Variants in MAPRE2 observed in about 807,000 individuals in gnomAD.
MAPRE2 encodes the protein microtubule associated protein RP/EB family member 2.
A neutral mutation model predicts 43.2 loss-of-function variants in MAPRE2; 13 were observed. That is an observed-to-expected ratio of 0.30 (90% CI 0.20 to 0.48). The LOEUF (loss-of-function observed/expected upper bound fraction) is 0.48, where lower values mean the gene tolerates loss of function less well. Among genes scored for constraint, MAPRE2 ranks in the 20% least tolerant of loss-of-function variants. MAPRE2 has a pLI of 0.99. For synonymous variants in MAPRE2, 135 were observed against 148.8 expected (o/e 0.91, Z 0.68); for missense variants, 161 against 400.2 (o/e 0.40, Z 5.10).
chr18:35,142,264 G>A lies in MAPRE2; in HGVS notation c.*1895G>A, dbSNP rs1000440429. 1 of 152,250 alleles carries A rather than the reference G, an allele frequency of 6.6e-6. No individual in the cohort carries two copies. Among genetic ancestry groups the A allele is most frequent in the African/African-American group, 2.4e-5 (1 of 41,436 alleles). The allele number at this position is 152,250 out of a possible 1,614,324, so 9.4% of individuals were successfully genotyped here. Reference sequence around the variant, plus strand: ...CTGATCTCTTTAAAAACAAAAAATAGCTCTTGTAAAAGGTCACAATAACTC... The same window carrying A: ...CTGATCTCTTTAAAAACAAAAAATAACTCTTGTAAAAGGTCACAATAACTC... On this transcript the variant is annotated 3_prime_UTR_variant, in exon 7 of 7. Coordinates refer to ENST00000300249, the MANE Select transcript of MAPRE2 (RefSeq NM_014268.4).
intron 2 of MAPRE2, among the ~76,000 whole-genome samples, chr18:35,086,190 T>C (rs1196376738): frequency 2.0e-5 from 3 of 152,128 alleles, no homozygotes; most frequent in Admixed American, 6.5e-5. Context: ...TCTGGCTTGA[T>C]GTGTTTTTCC....
chr18:35,123,077 G>C (rs145370469), intron 4 of MAPRE2, among the ~76,000 whole-genome samples: 1 of 152,230 alleles, frequency 6.6e-6, no homozygotes, highest in African/African-American at 2.4e-5. Context: ...GATTCTCCCT[G>C]CGTGTCTCAC....
chr18:35,102,206 G>A (rs1316601965), intron 4 of MAPRE2, 47 bp downstream of exon 4: 1 of 1,371,056 alleles, frequency 7.3e-7, no homozygotes, highest in Non-Finnish European at 1.0e-6. Flanking sequence ...CTTTGATAAT[G>A]GCTCAGACCC....
At chr18:35,051,703 T>C (rs576198784) in intron 1 of MAPRE2, among the ~76,000 whole-genome samples, 1 of 152,286 alleles carries the variant, frequency 6.6e-6, no homozygotes, top group East Asian at 1.9e-4. Context: ...TGTGAGACTT[T>C]TACTTTCTGT....
At chr18:35,039,543 T>A (rs1158605230), upstream of MAPRE2, among the ~76,000 whole-genome samples, 2 of 152,166 alleles carry the variant, frequency 1.3e-5, no homozygotes, top group African/African-American at 4.8e-5. Flanking sequence ...AAGCAAAAGA[T>A]AAAATTATTA....
upstream of MAPRE2, among the ~76,000 whole-genome samples, chr18:35,039,256 G>T (rs2097052313): frequency 6.6e-6 from 1 of 152,242 alleles, no homozygotes; most frequent in Non-Finnish European, 1.5e-5. Context: ...GAAGTTTTGT[G>T]AAAGGAAGCA....
At chr18:35,020,798 A>G (rs964163066) in intron 2 of MAPRE2, among the ~76,000 whole-genome samples, 2 of 152,216 alleles carry the variant, frequency 1.3e-5, no homozygotes, top group African/African-American at 2.4e-5. Context: ...AGACATAAAA[A>G]CATGAAGCAT....
intron 2 of MAPRE2, among the ~76,000 whole-genome samples, chr18:35,090,741 A>T (rs1053199785): frequency 6.7e-6 from 1 of 150,282 alleles, no homozygotes; most frequent in African/African-American, 2.5e-5. Flanking sequence ...CAAAAAAAAA[A>T]AAAAAGAAAA....
At chr18:35,050,777 A>C (rs1354082815) in intron 1 of MAPRE2, among the ~76,000 whole-genome samples, 1 of 152,112 alleles carries the variant, frequency 6.6e-6, no homozygotes, top group Non-Finnish European at 1.5e-5. Context: ...ATTGGGCAAT[A>C]TCTGGCCTTC....
In MAPRE2 at chr18:35,102,066, C is replaced by T; in HGVS notation, c.517C>T (p.Arg173Ter). 2 of 1,613,010 alleles carry T rather than the reference C, an allele frequency of 1.2e-6. No individual in the cohort carries two copies. Among genetic ancestry groups the T allele is most frequent in the Non-Finnish European group, 1.7e-6 (2 of 1,179,530 alleles). ...DGKEYDPVEA[R>*]QGQDAIPPPD... The stretch of plus-strand genomic sequence containing the variant: ...GAAGGAGTATGATCCTGTAGAGGCA[C>T]GACAAGGGCAAGATGCAATTCCTCC... Residue 173 changes from arginine (R) to a stop codon, truncating the protein, a stop_gained, in exon 4 of 7, where the codon CGA becomes TGA. Transcript: ENST00000300249. LOFTEE classifies it high-confidence loss of function.
intron 1 of MAPRE2, among the ~76,000 whole-genome samples, chr18:34,999,721 G>T (rs1433657999): frequency 6.6e-6 from 1 of 152,188 alleles, no homozygotes; most frequent in Non-Finnish European, 1.5e-5. Context: ...TTCTGAAGGA[G>T]AAGAATGAGT....
intron 1 of MAPRE2, among the ~76,000 whole-genome samples, chr18:34,995,961 A>T (rs764427226): frequency 6.6e-5 from 10 of 152,210 alleles, no homozygotes; most frequent in Non-Finnish European, 1.3e-4. Context: ...GGCTAGACGT[A>T]CTGAATCATA....
At chr18:35,107,028 C>A (rs1303837728) in intron 4 of MAPRE2, among the ~76,000 whole-genome samples, 1 of 152,148 alleles carries the variant, frequency 6.6e-6, no homozygotes, top group Non-Finnish European at 1.5e-5. Context: ...TATGTAGTTA[C>A]TATAGCAACG....
At chr18:35,036,337 G>C (rs994047078) in intron 2 of MAPRE2, among the ~76,000 whole-genome samples, 2 of 152,090 alleles carry the variant, frequency 1.3e-5, no homozygotes, top group Non-Finnish European at 2.9e-5. Flanking sequence ...GACCTAAACT[G>C]CTTCTTCAGT....
intron 2 of MAPRE2, among the ~76,000 whole-genome samples, chr18:35,093,731 G>A (rs1908269990): frequency 6.6e-6 from 1 of 152,180 alleles, no homozygotes; most frequent in Admixed American, 6.5e-5. Flanking sequence ...CATAGAAATA[G>A]AGAGTAGAAT....
intron 4 of MAPRE2, among the ~76,000 whole-genome samples, chr18:35,122,147 A>G (rs1909705123): frequency 6.6e-6 from 1 of 152,258 alleles, no homozygotes; most frequent in Non-Finnish European, 1.5e-5. Flanking sequence ...ATCATTGAAT[A>G]TAATGAGGAC....
chr18:35,080,813 C>A (rs2680893), intron 2 of MAPRE2, among the ~76,000 whole-genome samples: 5 of 83,188 alleles, frequency 6.0e-5, no homozygotes, highest in Non-Finnish European at 1.0e-4. Context: ...TTTCAGATTG[C>A]GTTTTTTTTT....
intron 2 of MAPRE2, among the ~76,000 whole-genome samples, chr18:35,085,567 G>A (rs764626198): frequency 6.6e-6 from 1 of 152,178 alleles, no homozygotes; most frequent in Non-Finnish European, 1.5e-5. Context: ...TTCCACCAGA[G>A]GCAGCAGTGT....
chr18:35,143,147 C>G lies in MAPRE2; in HGVS notation c.*2778C>G, dbSNP rs1910743876. The stretch of plus-strand genomic sequence containing the variant: ...AAATTCCAGAAGGGAACCAAGAACT[C>G]TTCCCTTCCCTGGTGAGTATTTCCA... On this transcript the variant is annotated 3_prime_UTR_variant, in exon 7 of 7. Coordinates refer to ENST00000300249, the MANE Select transcript of MAPRE2 (RefSeq NM_014268.4). 1 of 151,212 alleles carries G rather than the reference C, an allele frequency of 6.6e-6. No individual in the cohort carries two copies. The highest frequency in any genetic ancestry group is 1.5e-5 in the Non-Finnish European group (1 of 67,892). The allele number at this position is 151,212 out of a possible 1,614,324, so 9.4% of individuals were successfully genotyped here. A position where few individuals can be genotyped will look rare whatever the true frequency, so the allele number is the denominator to read the frequency against.
Sources: gnomAD v4.1 joint callset for allele counts (sites outside exome capture counted in the v4.1 genomes callset) on GRCh38, gnomAD v4.1.1 for gene constraint, MANE v1.5 for transcripts, NCBI Gene and HGNC (gene_info 2026-07-23, HGNC 2026-07-21) for gene names.